TMEM181: variants seen among roughly 807,000 people sequenced by gnomAD.
The protein encoded by TMEM181 is transmembrane protein 181, also known as G protein-coupled receptor 178.
A neutral mutation model predicts 71.9 loss-of-function variants in TMEM181; 39 were observed. The ratio of observed to expected loss-of-function variants is 0.54; its 90% CI spans 0.42 to 0.71. The LOEUF is 0.71. TMEM181 is among the 30% of genes least tolerant of loss of function. The probability of loss-of-function intolerance (pLI) is 0.00; values close to 1 mark genes in which losing one functional copy is unlikely to be tolerated. For missense variants in TMEM181, 595 were observed against 583.0 expected (o/e 1.02, Z -0.21); for synonymous variants, 245 against 228.8 (o/e 1.07, Z -0.64).
intron 3 of TMEM181, 73 bp downstream of exon 3, chr6:158,581,068 G>A (rs919739245): frequency 1.0e-5 from 15 of 1,439,122 alleles, no homozygotes; most frequent in East Asian, 4.6e-5. Flanking sequence ...AAATGGTTCC[G>A]CTTAGAGTCT....
chr6:158,572,605 G>A (rs979173167), intron 1 of TMEM181: 6 of 386,912 alleles, frequency 1.6e-5, no homozygotes, highest in Non-Finnish European at 3.1e-5. Flanking sequence ...GACAGAGACC[G>A]GTGTTCCCAA....
intron 1 of TMEM181, among the ~76,000 whole-genome samples, chr6:158,549,277 G>A (rs1165822037): frequency 3.3e-5 from 5 of 152,060 alleles, no homozygotes; most frequent in East Asian, 3.9e-4. Context: ...CACTATGCCC[G>A]GCTGATTTTT....
chr6:158,615,846 C>T (rs1008323873), intron 10 of TMEM181, among the ~76,000 whole-genome samples: 1 of 152,140 alleles, frequency 6.6e-6, no homozygotes, highest in African/African-American at 2.4e-5. Flanking sequence ...TGTTCTACAT[C>T]TCTGTTTTGT....
intron 6 of TMEM181, among the ~76,000 whole-genome samples, chr6:158,592,688 G>A (rs896947099): frequency 2.6e-5 from 4 of 152,068 alleles, no homozygotes; most frequent in African/African-American, 7.2e-5. Context: ...GTTTTACCAC[G>A]TTGGCCAGGC....
At chr6:158,615,147 CTGT>C (rs1046875990) in intron 10 of TMEM181, among the ~76,000 whole-genome samples, 4 of 152,330 alleles carry the variant, frequency 2.6e-5, no homozygotes, top group African/African-American at 9.6e-5. Flanking sequence ...TCTCCAGGAC[CTGT>C]TGTTTCCTGA....
chr6:158,632,006 G>T lies in TMEM181; in HGVS notation c.*118G>T. On this transcript the variant is annotated 3_prime_UTR_variant, in exon 17 of 17. Transcript: ENST00000684151. ...ACAAGCAGAGATTTCCTGTTCATTT[G>T]TTTACATATTTTTTTAAAGGAAAAC... 3.8e-6 allele frequency: 4 copies of T among 1,046,200 alleles called. No individual in the cohort carries two copies. The highest frequency in any genetic ancestry group is 2.7e-6 in the Non-Finnish European group (2 of 727,636). 64.8% of individuals were successfully genotyped at this position (1,046,200 alleles called of 1,614,324 possible). A position where few individuals can be genotyped will look rare whatever the true frequency, so the allele number is the denominator to read the frequency against.
intron 12 of TMEM181, 53 bp downstream of exon 12, chr6:158,625,259 G>C (rs578233875): frequency 1.7e-5 from 25 of 1,500,426 alleles, no homozygotes; most frequent in East Asian, 4.5e-5. Flanking sequence ...TGACTCAGGT[G>C]GGGGAAGAAG....
intron 1 of TMEM181, among the ~76,000 whole-genome samples, chr6:158,537,149 G>A (rs1781147368): frequency 6.6e-6 from 1 of 151,968 alleles, no homozygotes; most frequent in African/African-American, 2.4e-5. Context: ...AACCCAAGCC[G>A]AGGCTCCCGC....
chr6:158,605,385 A>G (rs779335086), intron 7 of TMEM181, 38 bp downstream of exon 7: 1 of 1,589,940 alleles, frequency 6.3e-7, no homozygotes. Context: ...AGCAGATCCC[A>G]GCCAGGAAGA....
Position 158,625,747 on chromosome 6 carries a change from G to A in TMEM181, c.1102G>A (p.Val368Ile), listed in dbSNP as rs1786238548. 1 of 1,610,278 alleles carries A rather than the reference G, an allele frequency of 6.2e-7. No individual in the cohort carries two copies. The highest frequency in any genetic ancestry group is 1.1e-5 in the South Asian group (1 of 89,608). ...FLTALTFVVL[V>I]ISIAILYLRF... ...GACTGCATTGACTTTCGTAGTACTT[G>A]TCATTAGGTAAGAAGACCTTATTTC... Residue 368 changes from valine (V) to isoleucine (I), a missense_variant, in exon 13 of 17, where the codon GTC (valine) becomes ATC (isoleucine). Transcript: ENST00000684151.
intron 1 of TMEM181, among the ~76,000 whole-genome samples, chr6:158,540,951 G>T (rs1008961217): frequency 6.6e-6 from 1 of 152,072 alleles, no homozygotes; most frequent in Admixed American, 6.6e-5. Context: ...GAATTTTTTC[G>T]TAGAGACGAG....
intron 13 of TMEM181, among the ~76,000 whole-genome samples, chr6:158,627,179 C>T (rs1291684706): frequency 6.6e-6 from 1 of 152,004 alleles, no homozygotes; most frequent in Non-Finnish European, 1.5e-5. Context: ...CACACACCCT[C>T]ACTCTCACAC....
rs754179043 is a variant in TMEM181 at position 158,573,484 on chromosome 6, T to C, written c.73T>C (p.Phe25Leu). 2 of 1,607,470 alleles carry C rather than the reference T, an allele frequency of 1.2e-6. No individual in the cohort carries two copies. Among genetic ancestry groups the C allele is most frequent in the Non-Finnish European group, 1.7e-6 (2 of 1,176,940 alleles). ...CTTTGTCCTCGTGTTTGTCGTCTTC[T>C]TCATCTGCTTTGGCCTGACCATCTT... Reference protein sequence around the residue: ...RHFVLVFVVFFICFGLTIFVG... With the variant: ...RHFVLVFVVFLICFGLTIFVG... Residue 25 changes from phenylalanine (F) to leucine (L), a missense_variant, in exon 2 of 17, where the codon TTC becomes CTC. Coordinates refer to ENST00000684151, the MANE Select transcript of TMEM181 (RefSeq NM_001376852.1).
At chr6:158,590,417 C>T (rs1784041162) in intron 6 of TMEM181, among the ~76,000 whole-genome samples, 1 of 151,618 alleles carries the variant, frequency 6.6e-6, no homozygotes. Flanking sequence ...GTTTGCTTGC[C>T]CTTTTAATGA....
At chr6:158,567,076 C>T (rs953009982) in intron 1 of TMEM181, among the ~76,000 whole-genome samples, 1 of 152,204 alleles carries the variant, frequency 6.6e-6, no homozygotes, top group Admixed American at 6.5e-5. Flanking sequence ...ATTTCCTTGC[C>T]TTTGACAGAT....
intron 10 of TMEM181, among the ~76,000 whole-genome samples, chr6:158,619,808 G>A (rs1216795646): frequency 6.7e-6 from 1 of 148,364 alleles, no homozygotes; most frequent in Non-Finnish European, 1.5e-5. Context: ...GGCAGAGGTT[G>A]CAGTGAGCTG....
At chr6:158,616,489 C>T (rs1562310200) in intron 10 of TMEM181, among the ~76,000 whole-genome samples, 1 of 152,156 alleles carries the variant, frequency 6.6e-6, no homozygotes, top group Non-Finnish European at 1.5e-5. Flanking sequence ...TTTCTCCTGC[C>T]TGACTGCCCG....
chr6:158,549,275 C>T (rs1781643800), intron 1 of TMEM181, among the ~76,000 whole-genome samples: 1 of 151,988 alleles, frequency 6.6e-6, no homozygotes. Context: ...GCCACTATGC[C>T]CGGCTGATTT....
At chr6:158,557,054 G>A (rs1561678), upstream of TMEM181, among the ~76,000 whole-genome samples, 93,282 of 152,048 alleles carry the variant, frequency 0.61, 29,025 homozygotes, top group East Asian at 0.72. Context: ...TTTAATACAA[G>A]TGACTCCATT....
Sources: allele counts gnomAD v4.1 joint callset (sites outside exome capture counted in the v4.1 genomes callset), GRCh38; gene constraint gnomAD v4.1.1; transcripts MANE v1.5; gene names NCBI Gene and HGNC (gene_info 2026-07-23, HGNC 2026-07-21).